Variants in FAT3 observed in about 807,000 individuals in gnomAD.
FAT3 encodes FAT atypical cadherin 3.
FAT3 carries 95 observed loss-of-function variants against 310.2 expected under a neutral mutation model. The observed-to-expected ratio is 0.31, with a 90% CI of 0.26 to 0.36. The LOEUF (loss-of-function observed/expected upper bound fraction) is 0.36, where lower values mean the gene tolerates loss of function less well. FAT3 is among the 10% of genes least tolerant of loss of function. The pLI is 1.00. For synonymous variants in FAT3, 2,314 were observed against 2,192.9 expected (o/e 1.06, Z -1.54); for missense variants, 5,408 against 5,715.6 (o/e 0.95, Z 1.74).
intron 3 of FAT3, among the ~76,000 whole-genome samples, chr11:92,666,158 C>A (rs1250272154): frequency 6.6e-6 from 1 of 151,716 alleles, no homozygotes; most frequent in African/African-American, 2.4e-5. Flanking sequence ...TAAAAAGTGG[C>A]TCAAAAAAAG....
In FAT3 at chr11:92,783,840, A is replaced by G. The variant is rs115179950; in HGVS notation, c.4336-6103A>G. Among the ~76,000 whole-genome samples, 652 of 152,332 alleles carry G rather than the reference A, an allele frequency of 4.3e-3. 6 individuals are homozygous for G. The highest frequency in any genetic ancestry group is 0.015 in the African/African-American group (606 of 41,570). ...TGTATAGATCTGGGCTTAACAACTT[A>G]TGAGGAGATCAATTTTTGAAAATAG... On this transcript the variant is annotated intron_variant, in intron 7 of 27. Coordinates refer to ENST00000525166, the MANE Select transcript of FAT3 (RefSeq NM_001367949.2).
chr11:92,638,435 G>A (rs75743385), intron 3 of FAT3, among the ~76,000 whole-genome samples: 3,454 of 152,236 alleles, frequency 0.023, 122 homozygotes, highest in African/African-American at 0.078. Context: ...GATTTTTATA[G>A]CATCTCTCTT....
At chr11:92,427,194 A>G in intron 2 of FAT3, among the ~76,000 whole-genome samples, 1 of 152,084 alleles carries the variant, frequency 6.6e-6, no homozygotes, top group Non-Finnish European at 1.5e-5. Flanking sequence ...AGCATATAGG[A>G]ATGCTTGTGA....
intron 1 of FAT3, among the ~76,000 whole-genome samples, chr11:92,258,676 TA>T (rs1237111497): frequency 4.6e-5 from 7 of 152,030 alleles, no homozygotes; most frequent in Non-Finnish European, 8.8e-5. Flanking sequence ...TGTGCATCCC[TA>T]AAAAATGTGA....
At chr11:92,333,892 T>TC (rs944553538) in intron 1 of FAT3, among the ~76,000 whole-genome samples, 6 of 151,238 alleles carry the variant, frequency 4.0e-5, no homozygotes, top group East Asian at 3.9e-4. Context: ...TGATTCCCCC[T>TC]CCCCCCCAAC....
intron 1 of FAT3, among the ~76,000 whole-genome samples, chr11:92,300,982 T>C (rs1450744021): frequency 6.6e-6 from 1 of 152,160 alleles, no homozygotes; most frequent in African/African-American, 2.4e-5. Flanking sequence ...TTCTTCCACA[T>C]TTGGCTTGGT....
chr11:92,792,621 C>A, intron 8 of FAT3, 146 bp from the exon 9 acceptor site: 1 of 690,148 alleles, frequency 1.4e-6, no homozygotes. Flanking sequence ...ATGATACTAC[C>A]ATTTACTGAG....
intron 1 of FAT3, among the ~76,000 whole-genome samples, chr11:92,291,013 AG>A (rs1946674869): frequency 6.6e-6 from 1 of 151,560 alleles, no homozygotes; most frequent in South Asian, 2.1e-4. Flanking sequence ...TGTCCTCTTA[AG>A]GTGTCAACCA....
chr11:92,764,593 A>C (rs555153405), intron 5 of FAT3, among the ~76,000 whole-genome samples: 4 of 152,300 alleles, frequency 2.6e-5, no homozygotes, highest in Non-Finnish European at 4.4e-5. Flanking sequence ...TCAGGCCCAC[A>C]AATCACCACA....
At chr11:92,475,062 G>A (rs761307241) in intron 2 of FAT3, among the ~76,000 whole-genome samples, 14 of 152,062 alleles carry the variant, frequency 9.2e-5, no homozygotes, top group Admixed American at 3.9e-4. Context: ...ACACAATGGC[G>A]GTTTTGGTCT....
chr11:92,249,071 T>C (rs1462411005), intron 1 of FAT3, among the ~76,000 whole-genome samples: 1 of 152,002 alleles, frequency 6.6e-6, no homozygotes, highest in African/African-American at 2.4e-5. Flanking sequence ...TTTTAATATT[T>C]ATAACATTTA....
intron 4 of FAT3, among the ~76,000 whole-genome samples, chr11:92,721,342 G>A (rs1220097071): frequency 6.6e-6 from 1 of 152,168 alleles, no homozygotes; most frequent in African/African-American, 2.4e-5. Flanking sequence ...TTATCATGGT[G>A]TGAGTGCCCA....
intron 4 of FAT3, among the ~76,000 whole-genome samples, chr11:92,722,620 T>A (rs1361086928): frequency 1.3e-5 from 2 of 152,210 alleles, no homozygotes; most frequent in Non-Finnish European, 2.9e-5. Flanking sequence ...CCTTTCACAC[T>A]GCCCTAGCAG....
At position 92,683,998 on chromosome 11, in the gene FAT3, A is replaced by C. The variant is rs1591604685; in HGVS notation, c.3608-13386A>C. Among the ~76,000 whole-genome samples the C allele has an allele frequency of 3.3e-5, 5 of 152,284 alleles. No individual in the cohort carries two copies. In the Middle Eastern group the frequency reaches 0.014, roughly 414 times the overall value. ...CGACATGTACAAGTACTAATTATCC[A>C]CTAATTACAACCACAGTAGCATTGA... On this transcript the variant is annotated intron_variant, in intron 3 of 27. Coordinates refer to ENST00000525166, the MANE Select transcript of FAT3 (RefSeq NM_001367949.2).
intron 1 of FAT3, among the ~76,000 whole-genome samples, chr11:92,235,591 T>G (rs1864385790): frequency 6.6e-6 from 1 of 152,226 alleles, no homozygotes; most frequent in Admixed American, 6.5e-5. Context: ...TATGTTCAAC[T>G]TGGTTAGTGA....
At chr11:92,443,622 G>A (rs544049181) in intron 2 of FAT3, among the ~76,000 whole-genome samples, 18 of 152,238 alleles carry the variant, frequency 1.2e-4, no homozygotes, top group African/African-American at 4.3e-4. Context: ...TTTTATTTTT[G>A]TCCTTAAACA....
intron 1 of FAT3, among the ~76,000 whole-genome samples, chr11:92,319,511 T>C (rs2134487007): frequency 6.6e-6 from 1 of 152,350 alleles, no homozygotes; most frequent in East Asian, 1.9e-4. Context: ...AATCTCTCTG[T>C]GTGTTCAGTA....
intron 3 of FAT3, among the ~76,000 whole-genome samples, chr11:92,658,562 G>T (rs1394033841): frequency 6.6e-6 from 1 of 152,128 alleles, no homozygotes; most frequent in Non-Finnish European, 1.5e-5. Context: ...ACCTTGCTCT[G>T]AGTTCATCCA....
intron 22 of FAT3, 97 bp from the exon 23 acceptor site, chr11:92,880,634 G>T: frequency 7.2e-7 from 1 of 1,380,472 alleles, no homozygotes. Context: ...CCTATTATAC[G>T]GTTCAACAAA....
Sources: gnomAD v4.1 joint callset for allele counts (sites outside exome capture counted in the v4.1 genomes callset) on GRCh38, gnomAD v4.1.1 for gene constraint, MANE v1.5 for transcripts, NCBI Gene and HGNC (gene_info 2026-07-23, HGNC 2026-07-21) for gene names.